NSD1: variants seen among roughly 807,000 people sequenced by gnomAD.
NSD1 encodes nuclear receptor binding SET domain protein 1.
Under a neutral mutation model 242.7 loss-of-function variants are expected in NSD1, and 26 were observed. The ratio of observed to expected loss-of-function variants is 0.11; its 90% CI spans 0.08 to 0.15. NSD1 has a LOEUF of 0.15. NSD1 is among the 10% of genes least tolerant of loss of function. The pLI, the probability that NSD1 is intolerant of heterozygous loss-of-function variation, is 1.00. For synonymous variants in NSD1, 1,106 were observed against 1,178.1 expected, an observed-to-expected ratio of 0.94 and a Z score of 1.25; for missense variants, 2,495 against 3,272.8, an observed-to-expected ratio of 0.76 and a Z score of 5.80.
chr5:177,150,962 T>A (rs139932929), intron 2 of NSD1, among the ~76,000 whole-genome samples: 124 of 152,350 alleles, frequency 8.1e-4, no homozygotes, highest in Non-Finnish European at 2.9e-5. Context: ...AAATTGGTAA[T>A]TTATAGTTGT....
At chr5:177,292,585 C>A (rs1759928402) in intron 22 of NSD1, among the ~76,000 whole-genome samples, 1 of 152,138 alleles carries the variant, frequency 6.6e-6, no homozygotes, top group Non-Finnish European at 1.5e-5. Context: ...GATAGTAAAG[C>A]CTTTAGGTGG....
intron 2 of NSD1, among the ~76,000 whole-genome samples, chr5:177,153,977 T>C (rs1388093498): frequency 6.6e-6 from 1 of 152,106 alleles, no homozygotes; most frequent in East Asian, 1.9e-4. Context: ...TTGTAAGGAA[T>C]CATGGAGTGG....
intron 15 of NSD1, 114 bp downstream of exon 15, chr5:177,267,832 C>A: frequency 9.7e-7 from 1 of 1,035,252 alleles, no homozygotes. Flanking sequence ...TGGTACTCCT[C>A]CCCTCTTCTT....
chr5:177,136,099 T>G (rs1386946141), intron 2 of NSD1, 69 bp downstream of exon 2: 2 of 1,389,452 alleles, frequency 1.4e-6, no homozygotes, highest in Non-Finnish European at 2.0e-6. Flanking sequence ...AAAGGGAAAC[T>G]TGTAACAAAT....
At chr5:177,158,821 C>CAA (rs57206832) in intron 2 of NSD1, among the ~76,000 whole-genome samples, 2 of 80,330 alleles carry the variant, frequency 2.5e-5, no homozygotes, top group East Asian at 3.3e-4. Flanking sequence ...GACTTCATCT[C>CAA]AAAAAAAAAA....
chr5:177,141,053 C>G (rs1235196796), intron 2 of NSD1, among the ~76,000 whole-genome samples: 2 of 152,118 alleles, frequency 1.3e-5, no homozygotes, highest in Admixed American at 1.3e-4. Flanking sequence ...GACAGAGTCT[C>G]ACTCTGTCAC....
chr5:177,247,447 G>A (rs1766388543), intron 10 of NSD1, among the ~76,000 whole-genome samples: 1 of 151,846 alleles, frequency 6.6e-6, no homozygotes, highest in Admixed American at 6.6e-5. Flanking sequence ...AATTGAGACT[G>A]CTGGCTGGGC....
rs770329008 is a variant in NSD1 at position 177,273,765 on chromosome 5, C to T, written c.5603C>T (p.Pro1868Leu). The T allele has an allele frequency of 1.2e-6, 2 of 1,612,666 alleles. No individual in the cohort carries two copies. The highest frequency in any genetic ancestry group is 1.7e-5 in the Admixed American group (1 of 60,000). The change falls in exon 17 of 23, where the codon CCA becomes CTA. Residue 1868 changes from proline to leucine, a missense_variant. By Grantham distance (98) the Pro-to-Leu change is moderately conservative. Around this residue, in one of 19 missense-constraint regions of NSD1, gnomAD observed 114 missense variants for 247.4 expected, o/e 0.46. Transcript: ENST00000439151. The stretch of plus-strand genomic sequence containing the variant: ...GACCGAAAGAATGACAAGAAGCCAC[C>T]ACCTTATAAACATATAAAGGTGAGG... ...QEDRKNDKKP[P>L]PYKHIKVNRP... is the part of the protein sequence containing the mutation.
At chr5:177,261,314 C>G (rs1389882865) in intron 14 of NSD1, among the ~76,000 whole-genome samples, 8 of 145,684 alleles carry the variant, frequency 5.5e-5, no homozygotes, top group Non-Finnish European at 8.9e-5. Flanking sequence ...CTTCTGACCT[C>G]AGTTGATCTA....
At chr5:177,257,268 T>C in intron 13 of NSD1, 117 bp downstream of exon 13, 2 of 910,218 alleles carry the variant, frequency 2.2e-6, no homozygotes, top group South Asian at 3.1e-5. Flanking sequence ...TCTCGCTGTG[T>C]TGCCGAGGCT....
intron 5 of NSD1, among the ~76,000 whole-genome samples, chr5:177,214,922 C>T (rs931995378): frequency 1.3e-5 from 2 of 152,048 alleles, no homozygotes; most frequent in African/African-American, 2.4e-5. Flanking sequence ...AGAATGGTCT[C>T]GATCTCCTGA....
At chr5:177,198,276 T>G (rs1447087616) in intron 3 of NSD1, among the ~76,000 whole-genome samples, 1 of 152,208 alleles carries the variant, frequency 6.6e-6, no homozygotes, top group African/African-American at 2.4e-5. Context: ...TCCTCCCGCC[T>G]TGGCCTCCCA....
intron 2 of NSD1, among the ~76,000 whole-genome samples, chr5:177,158,998 T>TTTTA (rs1758458687): frequency 1.6e-5 from 2 of 122,612 alleles, no homozygotes; most frequent in South Asian, 2.4e-4. Context: ...ATGAATGATT[T>TTTTA]TATATATATA....
intron 22 of NSD1, among the ~76,000 whole-genome samples, 170 bp from the exon 23 acceptor site, chr5:177,293,658 AAAAG>A (rs1324099487): frequency 6.6e-6 from 1 of 151,530 alleles, no homozygotes; most frequent in Non-Finnish European, 1.5e-5. Context: ...TCTGTGCACA[AAAAG>A]AAGCTGGAAT....
upstream of NSD1, among the ~76,000 whole-genome samples, chr5:177,132,711 G>A (rs1004533863): frequency 1.3e-5 from 2 of 152,010 alleles, no homozygotes; most frequent in African/African-American, 4.8e-5. The surrounding 1 kb of genome is among the most constrained non-coding windows in gnomAD (Gnocchi z 7.5). Context: ...CCCCGCGGAG[G>A]CCACGGCCGG....
intron 2 of NSD1, among the ~76,000 whole-genome samples, chr5:177,158,297 C>CTTTCTTTCTTTTCT (rs1350704343): frequency 2.9e-5 from 3 of 103,990 alleles, no homozygotes; most frequent in South Asian, 5.9e-4. Context: ...TTCTTTCTTT[C>CTTTCTTTCTTTTCT]TTTCTTTTCT....
chr5:177,250,464 C>G (rs1755846334), intron 11 of NSD1, among the ~76,000 whole-genome samples: 1 of 152,214 alleles, frequency 6.6e-6, no homozygotes, highest in South Asian at 2.1e-4. Context: ...CGTGGTTATC[C>G]CAGTTGAATA....
intron 5 of NSD1, among the ~76,000 whole-genome samples, chr5:177,219,438 G>A (rs191068120): frequency 7.2e-5 from 11 of 152,104 alleles, no homozygotes; most frequent in East Asian, 5.8e-4. Context: ...TCCTGTCTCC[G>A]CCTCCCAAAG....
chr5:177,265,502 AG>A, intron 14 of NSD1: 1 of 667,348 alleles, frequency 1.5e-6, no homozygotes. Flanking sequence ...AGAGAGAGGA[AG>A]GGGGAGCCCC....
Sources: gnomAD v4.1 joint callset for allele counts (sites outside exome capture counted in the v4.1 genomes callset) on GRCh38, gnomAD v4.1.1 for gene constraint, gnomAD v4.1.1 regional missense constraint, Gnocchi (gnomAD v3.1) non-coding constraint, MANE v1.5 for transcripts, NCBI Gene and HGNC (gene_info 2026-07-23, HGNC 2026-07-21) for gene names.